Variants in VRK2 observed in about 807,000 individuals in gnomAD.
VRK2 encodes the protein serine/threonine-protein kinase VRK2.
In VRK2, 60 loss-of-function variants were observed where a neutral mutation model predicts 57.6. The observed-to-expected ratio is 1.04, with a 90% CI of 0.85 to 1.29. The LOEUF (loss-of-function observed/expected upper bound fraction) is 1.29, where lower values mean the gene tolerates loss of function less well. Ranked by LOEUF, VRK2 falls within the 50% of genes most tolerant of loss-of-function variation. The pLI, the probability that VRK2 is intolerant of heterozygous loss-of-function variation, is 0.00. For synonymous variants in VRK2, 231 were observed against 199.2 expected (o/e 1.16, Z -1.35); for missense variants, 705 against 588.1 (o/e 1.20, Z -2.06).
At chr2:58,049,087 A>T in intron 2 of VRK2, 120 bp downstream of exon 2, 1 of 1,236,146 alleles carries the variant, frequency 8.1e-7, no homozygotes, top group Non-Finnish European at 1.1e-6. Flanking sequence ...AAAATTCATG[A>T]TTGTACTCGA....
chr2:58,132,022 C>T (rs750078378), intron 9 of VRK2, 94 bp downstream of exon 9: 2 of 1,450,774 alleles, frequency 1.4e-6, no homozygotes, highest in East Asian at 4.8e-5. Context: ...GGCATTCACC[C>T]AACATGACAA....
At chr2:58,039,160 T>G (rs1028134508) in intron 3 of VRK2, among the ~76,000 whole-genome samples, 3 of 152,152 alleles carry the variant, frequency 2.0e-5, no homozygotes, top group African/African-American at 4.8e-5. Flanking sequence ...TTATACAACC[T>G]ACATCATCCT....
intron 1 of VRK2, among the ~76,000 whole-genome samples, chr2:57,971,062 C>T (rs1196476730): frequency 6.6e-6 from 1 of 151,900 alleles, no homozygotes; most frequent in Non-Finnish European, 1.5e-5. Context: ...GGTAGACAGT[C>T]TTAGCATTGG....
At chr2:58,115,034 C>G (rs2104436976) in intron 7 of VRK2, among the ~76,000 whole-genome samples, 2 of 152,172 alleles carry the variant, frequency 1.3e-5, no homozygotes, top group East Asian at 3.9e-4. Context: ...AGATGGAACA[C>G]TGAGAAGTTA....
chr2:57,914,166 C>T (rs1670076202), intron 1 of VRK2, among the ~76,000 whole-genome samples: 1 of 151,672 alleles, frequency 6.6e-6, no homozygotes, highest in Non-Finnish European at 1.5e-5. Flanking sequence ...TTAAATACAT[C>T]TGTATTAATT....
intron 10 of VRK2, among the ~76,000 whole-genome samples, chr2:58,137,204 C>CAT (rs1301654797): frequency 0.058 from 925 of 16,008 alleles, 105 homozygotes; most frequent in African/African-American, 0.17. Context: ...ATATATATCT[C>CAT]ATATATGATA....
chr2:57,934,162 A>G (rs1242421498), intron 1 of VRK2, among the ~76,000 whole-genome samples: 1 of 152,196 alleles, frequency 6.6e-6, no homozygotes, highest in Non-Finnish European at 1.5e-5. Context: ...CTAGAGTTGG[A>G]ATTTACAGAG....
intron 1 of VRK2, among the ~76,000 whole-genome samples, chr2:58,047,810 A>T (rs1209961164): frequency 6.6e-6 from 1 of 152,240 alleles, no homozygotes; most frequent in Non-Finnish European, 1.5e-5. Flanking sequence ...CAATACTGCT[A>T]AGTAAAAAAG....
chr2:58,097,690 G>A (rs1365356573), intron 7 of VRK2, among the ~76,000 whole-genome samples: 2 of 152,134 alleles, frequency 1.3e-5, no homozygotes, highest in Non-Finnish European at 2.9e-5. Context: ...CACAGCCATA[G>A]TAATGCCATA....
chr2:58,038,071 A>C (rs72949159), intron 3 of VRK2, among the ~76,000 whole-genome samples: 3,120 of 152,152 alleles, frequency 0.021, 123 homozygotes, highest in African/African-American at 0.071. Flanking sequence ...TTGGAGCTGA[A>C]AGCAATTGAG....
rs188030268 is a variant in VRK2 at position 58,049,994 on chromosome 2, G to A, written c.136+1027G>A. On this transcript the variant is annotated intron_variant, in intron 2 of 12. Transcript: ENST00000340157. ...CAGCACAAAAAATTGTATGAGTCAA[G>A]TAAAGGACCCATTTAAAGGGTTTGA... Among the ~76,000 whole-genome samples the A allele has an allele frequency of 9.9e-5, 15 of 152,160 alleles. No homozygotes were observed. The East Asian group carries it at 2.7e-3, about 27-fold the overall frequency.
chr2:57,962,079 A>T (rs891474391), intron 1 of VRK2, among the ~76,000 whole-genome samples: 1 of 152,116 alleles, frequency 6.6e-6, no homozygotes, highest in Non-Finnish European at 1.5e-5. Flanking sequence ...TTGTCTCTAA[A>T]ACAAACAAAC....
intron 2 of VRK2, among the ~76,000 whole-genome samples, chr2:58,029,697 G>T (rs1162899449): frequency 5.9e-5 from 9 of 152,070 alleles, no homozygotes; most frequent in Admixed American, 2.6e-4. Context: ...GATTTGGGGG[G>T]TTTATTCTGT....
At chr2:57,980,213 T>C (rs1267862670) in intron 1 of VRK2, among the ~76,000 whole-genome samples, 6 of 152,136 alleles carry the variant, frequency 3.9e-5, no homozygotes, top group African/African-American at 1.4e-4. Flanking sequence ...AGCTGTGTCC[T>C]GGAGGTTCTG....
chr2:58,025,825 T>G (rs1572796672), intron 2 of VRK2: 1 of 152,234 alleles, frequency 6.6e-6, no homozygotes, highest in African/African-American at 2.4e-5. Flanking sequence ...CAAAACCTTT[T>G]GCTTGACCTT....
chr2:58,027,225 G>A (rs1267221763), intron 2 of VRK2, among the ~76,000 whole-genome samples: 1 of 151,912 alleles, frequency 6.6e-6, no homozygotes, highest in Non-Finnish European at 1.5e-5. Context: ...ATTACCCAGT[G>A]ACTCAGCAAA....
chr2:57,986,405 T>C (rs1267806795), intron 1 of VRK2, among the ~76,000 whole-genome samples: 2 of 152,096 alleles, frequency 1.3e-5, no homozygotes, highest in Non-Finnish European at 2.9e-5. Flanking sequence ...GATTTCTTTA[T>C]AGAAATCAGC....
intron 1 of VRK2, among the ~76,000 whole-genome samples, chr2:57,948,729 G>A (rs1012773584): frequency 5.3e-5 from 8 of 152,012 alleles, no homozygotes. Flanking sequence ...GGTAAGGTGA[G>A]GATCAAAGAG....
chr2:58,076,215 T>A (rs1483909157), intron 2 of VRK2, among the ~76,000 whole-genome samples: 1 of 151,618 alleles, frequency 6.6e-6, no homozygotes, highest in Non-Finnish European at 1.5e-5. Flanking sequence ...TACAGTGGGG[T>A]TATGTCCTCA....
Sources: allele counts gnomAD v4.1 joint callset (sites outside exome capture counted in the v4.1 genomes callset), GRCh38; gene constraint gnomAD v4.1.1; transcripts MANE v1.5; gene names NCBI Gene and HGNC (gene_info 2026-07-23, HGNC 2026-07-21).